BANK1: variants seen among roughly 807,000 people sequenced by gnomAD.
BANK1 encodes the protein B-cell scaffold protein with ankyrin repeats.
Under a neutral mutation model 94.5 loss-of-function variants are expected in BANK1, and 95 were observed. The observed-to-expected ratio is 1.00, with a 90% CI of 0.85 to 1.19. The LOEUF is 1.19. BANK1 is among the 50% of genes most tolerant of loss of function. The pLI, the probability that BANK1 is intolerant of heterozygous loss-of-function variation, is 0.00. For synonymous variants in BANK1, 334 were observed against 308.4 expected, an observed-to-expected ratio of 1.08 and a Z score of -0.87; for missense variants, 987 against 932.2, an observed-to-expected ratio of 1.06 and a Z score of -0.77.
chr4:101,878,403 A>G (rs923546127), intron 5 of BANK1, among the ~76,000 whole-genome samples: 1 of 152,238 alleles, frequency 6.6e-6, no homozygotes, highest in Admixed American at 6.5e-5. Flanking sequence ...CGGTAACAGT[A>G]TATGACAATT....
chr4:101,799,394 A>G (rs35979946), intron 1 of BANK1, among the ~76,000 whole-genome samples: 42,349 of 152,086 alleles, frequency 0.28, 6,160 homozygotes, highest in Non-Finnish European at 0.32. Context: ...GTCAGGTAGC[A>G]TGATGCCTCC....
chr4:101,869,630 T>G (rs1484911557), intron 4 of BANK1, among the ~76,000 whole-genome samples: 2 of 151,942 alleles, frequency 1.3e-5, no homozygotes, highest in African/African-American at 4.8e-5. Flanking sequence ...TTAAAAACTT[T>G]TAAATATTCA....
intron 1 of BANK1, among the ~76,000 whole-genome samples, chr4:101,823,347 A>T (rs1356839615): frequency 6.6e-6 from 1 of 152,220 alleles, no homozygotes; most frequent in East Asian, 1.9e-4. Context: ...CACGTATTTT[A>T]TGAATATATA....
rs34539828 is a variant in BANK1, at chr4:102,021,608, TTATATA to T, written c.1285+24_1285+29del. ...TATATTCCTTGTAAGTTTTTCCATG[TTATATA>T]TATATATGACATATTCATATATATA... On this transcript the variant is annotated intron_variant, in intron 8 of 16. Coordinates refer to ENST00000322953, the MANE Select transcript of BANK1 (RefSeq NM_017935.5). The T allele has an allele frequency of 1.0e-6, 1 of 960,878 alleles. No homozygotes were observed. The highest frequency in any genetic ancestry group is 1.8e-5 in the South Asian group (1 of 54,516). The allele number at this position is 960,878 out of a possible 1,614,324, so 59.5% of individuals were successfully genotyped here.
At chr4:102,060,930 A>C (rs1298724818) in intron 12 of BANK1, among the ~76,000 whole-genome samples, 1 of 152,200 alleles carries the variant, frequency 6.6e-6, no homozygotes, top group African/African-American at 2.4e-5. Flanking sequence ...ATGGGATTGG[A>C]GGACATGGTT....
chr4:101,973,172 G>A (rs1725011932), intron 7 of BANK1, among the ~76,000 whole-genome samples: 1 of 152,002 alleles, frequency 6.6e-6, no homozygotes, highest in Non-Finnish European at 1.5e-5. Flanking sequence ...CCAATGTCAA[G>A]TATTTGAGGT....
At chr4:101,961,306 A>G (rs1318016235) in intron 7 of BANK1, among the ~76,000 whole-genome samples, 1 of 152,176 alleles carries the variant, frequency 6.6e-6, no homozygotes, top group East Asian at 1.9e-4. Flanking sequence ...AGGAAAAGTT[A>G]GCGTCAGCCA....
intron 7 of BANK1, among the ~76,000 whole-genome samples, chr4:101,975,061 A>AGG (rs887464075): frequency 6.6e-6 from 1 of 152,094 alleles, no homozygotes; most frequent in Non-Finnish European, 1.5e-5. Context: ...AAAGAGAGAG[A>AGG]GGGACTGGGG....
chr4:101,956,989 A>G (rs1724369507), intron 7 of BANK1, among the ~76,000 whole-genome samples: 1 of 152,192 alleles, frequency 6.6e-6, no homozygotes, highest in South Asian at 2.1e-4. Flanking sequence ...CAGTACAAAA[A>G]GATTATGCCC....
At chr4:101,900,473 C>T (rs1722241439) in intron 6 of BANK1, among the ~76,000 whole-genome samples, 1 of 152,122 alleles carries the variant, frequency 6.6e-6, no homozygotes, top group South Asian at 2.1e-4. Flanking sequence ...AAAGTAGGAA[C>T]ACCAGATGGG....
intron 4 of BANK1, among the ~76,000 whole-genome samples, chr4:101,864,390 A>G (rs1222714856): frequency 6.6e-6 from 1 of 152,222 alleles, no homozygotes; most frequent in Non-Finnish European, 1.5e-5. Context: ...ATTTTACATC[A>G]TGACCCAGTA....
chr4:101,968,387 A>G (rs778353820), intron 7 of BANK1, among the ~76,000 whole-genome samples: 4 of 152,242 alleles, frequency 2.6e-5, no homozygotes, highest in South Asian at 4.1e-4. Flanking sequence ...ACATTGTGAT[A>G]TGTCTGCTGA....
At chr4:101,872,259 A>G (rs549244985) in intron 5 of BANK1, among the ~76,000 whole-genome samples, 12 of 152,118 alleles carry the variant, frequency 7.9e-5, no homozygotes, top group Non-Finnish European at 1.3e-4. Flanking sequence ...AGACATTAAG[A>G]GATTGTTTAA....
intron 6 of BANK1, among the ~76,000 whole-genome samples, chr4:101,914,278 CA>C (rs2148898736): frequency 6.6e-6 from 1 of 152,190 alleles, no homozygotes; most frequent in East Asian, 1.9e-4. Context: ...TCTCATAAGT[CA>C]TAGACTTGAA....
chr4:102,042,577 C>T (rs770802605), intron 10 of BANK1, among the ~76,000 whole-genome samples: 3 of 151,820 alleles, frequency 2.0e-5, no homozygotes, highest in East Asian at 1.9e-4. Context: ...AAAACGTCTC[C>T]GGGGTTAATC....
At chr4:101,997,822 A>G (rs1235182652) in intron 7 of BANK1, among the ~76,000 whole-genome samples, 1 of 151,368 alleles carries the variant, frequency 6.6e-6, no homozygotes, top group Non-Finnish European at 1.5e-5. Flanking sequence ...TTTCTTCTTA[A>G]TTATTCTGGC....
chr4:102,025,295 A>G lies in BANK1; in HGVS notation c.1380A>G (p.Lys460=). ...CAAATGAAATGGAAGGGGAAGGAAAACAGAATGGATCAGGCATGGAGACCA... is the reference window on the plus strand; with the variant it reads ...CAAATGAAATGGAAGGGGAAGGAAAGCAGAATGGATCAGGCATGGAGACCA... The part of the protein sequence containing the change: ...AEANEMEGEG[K]QNGSGMETKH... The change falls in exon 9 of 17, where the codon AAA becomes AAG. Residue 460 remains lysine, a synonymous_variant. Transcript: ENST00000322953. The G allele has an allele frequency of 6.2e-7, 1 of 1,614,078 alleles. No homozygotes were observed. The highest frequency in any genetic ancestry group is 8.5e-7 in the Non-Finnish European group (1 of 1,179,972).
At chr4:101,901,438 G>A (rs1722278913) in intron 6 of BANK1, among the ~76,000 whole-genome samples, 1 of 152,166 alleles carries the variant, frequency 6.6e-6, no homozygotes, top group Non-Finnish European at 1.5e-5. Context: ...TTCCAATGTA[G>A]TGAACCTCAG....
At chr4:101,804,131 A>G (rs567474473) in intron 1 of BANK1, among the ~76,000 whole-genome samples, 1 of 151,762 alleles carries the variant, frequency 6.6e-6, no homozygotes, top group South Asian at 2.1e-4. Context: ...TACAAATCTG[A>G]AAAAGCTAAC....
Sources: gnomAD v4.1 joint callset for allele counts (sites outside exome capture counted in the v4.1 genomes callset) on GRCh38, gnomAD v4.1.1 for gene constraint, MANE v1.5 for transcripts, NCBI Gene and HGNC (gene_info 2026-07-23, HGNC 2026-07-21) for gene names.